Variants in LRIG3 observed in about 807,000 individuals in gnomAD.
The protein encoded by LRIG3 is leucine rich repeats and immunoglobulin like domains 3.
LRIG3 carries 76 observed loss-of-function variants against 114.5 expected under a neutral mutation model. The observed-to-expected ratio is 0.66, with a 90% CI of 0.55 to 0.80. The LOEUF is 0.80. Ranked by LOEUF, LRIG3 falls within the 30% of genes least tolerant of loss-of-function variation. The pLI, the probability that LRIG3 is intolerant of heterozygous loss-of-function variation, is 0.00. For synonymous variants in LRIG3, 512 were observed against 519.8 expected, an observed-to-expected ratio of 0.98 and a Z score of 0.20; for missense variants, 1,239 against 1,382.8, an observed-to-expected ratio of 0.90 and a Z score of 1.65.
intron 3 of LRIG3, among the ~76,000 whole-genome samples, chr12:58,903,103 G>A (rs1233483186): frequency 2.0e-5 from 3 of 152,138 alleles, no homozygotes; most frequent in African/African-American, 4.8e-5. Context: ...GGATGGCTGG[G>A]TCAAATGGTA....
chr12:58,919,575 G>T, intron 1 of LRIG3: 1 of 1,541,410 alleles, frequency 6.5e-7, no homozygotes, highest in Admixed American at 2.0e-5. Context: ...GGAGTCTGAC[G>T]CAGCTAGAAA....
intron 5 of LRIG3, among the ~76,000 whole-genome samples, 194 bp downstream of exon 5, chr12:58,889,802 G>A (rs2120913714): frequency 6.6e-6 from 1 of 152,140 alleles, no homozygotes; most frequent in East Asian, 1.9e-4. Context: ...TTGTCAAGCA[G>A]CAGCTGGCAC....
At chr12:58,897,819 A>T (rs988258621) in intron 3 of LRIG3, among the ~76,000 whole-genome samples, 1 of 152,246 alleles carries the variant, frequency 6.6e-6, no homozygotes, top group Non-Finnish European at 1.5e-5. Context: ...TAGTAAACTT[A>T]AAAATTTTTA....
chr12:58,919,888 G>A (rs1382805508), intron 1 of LRIG3, 112 bp downstream of exon 1: 27 of 1,086,368 alleles, frequency 2.5e-5, no homozygotes, highest in Non-Finnish European at 3.5e-5. Flanking sequence ...TGGGCCAGAA[G>A]GAGCTATACG....
In LRIG3 at chr12:58,888,958, A is replaced by C. The variant is rs199712889; in HGVS notation, c.664T>G (p.Leu222Val). 3 of 1,612,848 alleles carry C rather than the reference A, an allele frequency of 1.9e-6. No homozygotes were observed. The Admixed American group carries it at 5.0e-5, about 27-fold the overall frequency. The change falls in exon 6 of 19, where the codon TTG becomes GTG. Residue 222 changes from leucine to valine, a missense_variant. Leu to Val is a conservative substitution (Grantham distance 32). Transcript: ENST00000320743. Reference sequence around the variant, plus strand: ...ACATTTTTAATCTTGTTTCGGTTCAATTCGCTGCATTGAGTATTACAAGAG... The same window carrying C: ...ACATTTTTAATCTTGTTTCGGTTCACTTCGCTGCATTGAGTATTACAAGAG... ...FKLPQLQHLE[L>V]NRNKIKNVDG...
rs548421701 is a variant in LRIG3, at chr12:58,872,438, T to C, written c.*134A>G. The C allele has an allele frequency of 2.0e-6, 2 of 984,930 alleles. No homozygotes were observed. The highest frequency in any genetic ancestry group is 3.3e-5 in the African/African-American group (2 of 60,376). The allele number at this position is 984,930 out of a possible 1,614,324, so 61.0% of individuals were successfully genotyped here. ...TTTTCATAACTTTTTGTAATTTTGG[T>C]TCATCTGTATAAATAAAGCATTTTT... On this transcript the variant is annotated 3_prime_UTR_variant, in exon 19 of 19. Transcript: ENST00000320743.
intron 11 of LRIG3, among the ~76,000 whole-genome samples, 194 bp from the exon 12 acceptor site, chr12:58,883,226 C>T (rs912562233): frequency 5.3e-5 from 8 of 152,126 alleles, no homozygotes; most frequent in Non-Finnish European, 1.0e-4. Flanking sequence ...TCTTACTGTC[C>T]TACTGAGACA....
chr12:58,874,027 G>A (rs369420311), intron 18 of LRIG3, 28 bp downstream of exon 18: 94 of 1,611,934 alleles, frequency 5.8e-5, no homozygotes, highest in Non-Finnish European at 7.0e-5. Flanking sequence ...ATCCTCAGAC[G>A]AGGTACCTGA....
chr12:58,906,063 G>A (rs1409296793), intron 3 of LRIG3, among the ~76,000 whole-genome samples: 1 of 151,762 alleles, frequency 6.6e-6, no homozygotes, highest in Non-Finnish European at 1.5e-5. Context: ...AGATAAATTT[G>A]GCAGTAAAGA....
intron 12 of LRIG3, 137 bp from the exon 13 acceptor site, chr12:58,881,038 C>T (rs1565614851): frequency 5.4e-6 from 4 of 742,952 alleles, no homozygotes; most frequent in Non-Finnish European, 6.7e-6. Context: ...GATGGACTAG[C>T]CGTCCCCATG....
intron 12 of LRIG3, 146 bp from the exon 13 acceptor site, chr12:58,881,047 T>C: frequency 1.4e-6 from 1 of 692,470 alleles, no homozygotes; most frequent in South Asian, 1.9e-5. Context: ...GCCGTCCCCA[T>C]GTTGAAATGA....
In LRIG3 at chr12:58,877,527, G is replaced by A. The variant is rs377735776; in HGVS notation, c.2409C>T (p.Asp803=). ...PQMTAPSLDD[D]GWATVGVVII... is the part of the protein sequence containing the mutation. ...TCACGACACCCACAGTGGCCCATCC[G>A]TCATCGTCTAACGATGGGGCTGTCA... The change falls in exon 15 of 19, where the codon GAC becomes GAT. Residue 803 remains aspartate, a synonymous_variant. Transcript: ENST00000320743. The A allele has an allele frequency of 5.9e-5, 96 of 1,614,064 alleles. No individual in the cohort carries two copies. The highest frequency in any genetic ancestry group is 1.6e-4 in the East Asian group (7 of 44,886).
Position 58,880,910 on chromosome 12 carries a change from A to C in LRIG3, c.1481-9T>G. ...GGGTTTGGGAAAATCATCTGTTAAA[A>C]ATGGAGAGGAGGAGACAAAACAATG... On this transcript the variant is annotated splice_polypyrimidine_tract_variant and intron_variant, in intron 12 of 18. Transcript: ENST00000320743. 6.2e-7 allele frequency: 1 copy of C among 1,607,906 alleles called. No individual in the cohort carries two copies. The highest frequency in any genetic ancestry group is 2.2e-5 in the East Asian group (1 of 44,732).
intron 3 of LRIG3, among the ~76,000 whole-genome samples, chr12:58,908,153 A>T (rs147708021): frequency 2.0e-5 from 3 of 152,316 alleles, no homozygotes; most frequent in Non-Finnish European, 2.9e-5. Flanking sequence ...ATGGAACCAC[A>T]TCTCGCGGCA....
At position 58,876,558 on chromosome 12, in the gene LRIG3, T is replaced by G. The variant is rs1176832121; in HGVS notation, c.2582A>C (p.Gln861Pro). The G allele has an allele frequency of 1.9e-6, 3 of 1,614,092 alleles. No individual in the cohort carries two copies. The highest frequency in any genetic ancestry group is 2.5e-6 in the Non-Finnish European group (3 of 1,180,036). The change falls in exon 16 of 19, where the codon CAG (glutamine) becomes CCG (proline). Residue 861 changes from glutamine (Q) to proline (P), a missense_variant. By Grantham distance (76) the Gln-to-Pro change is moderately conservative. Coordinates refer to ENST00000320743, the MANE Select transcript of LRIG3 (RefSeq NM_153377.5). Reference protein sequence around the residue: ...PADIPSYLSSQGTLADRQDGY... With the variant: ...PADIPSYLSSPGTLADRQDGY... ...ATCCTGCCTGTCAGCTAACGTTCCC[T>G]GAGATGACAAATAACTAGGAATATC...
In LRIG3 at chr12:58,876,551, C is replaced by T. The variant is rs2279718; in HGVS notation, c.2589G>A (p.Thr863=). 0.039 allele frequency: 62,885 copies of T among 1,614,072 alleles called. 1,328 individuals are homozygous for T. Among genetic ancestry groups the T allele is most frequent in the East Asian group, 0.047 (2,131 of 44,878 alleles). The stretch of plus-strand genomic sequence containing the variant: ...CGTACCCATCCTGCCTGTCAGCTAA[C>T]GTTCCCTGAGATGACAAATAACTAG... ...DIPSYLSSQG[T]LADRQDGYVS... The change falls in exon 16 of 19, where the codon ACG becomes ACA. Residue 863 remains threonine (T), a synonymous_variant. Transcript: ENST00000320743.
chr12:58,885,259 A>C lies in LRIG3; in HGVS notation c.1244+572T>G, dbSNP rs1393928204. On this transcript the variant is annotated intron_variant, in intron 10 of 18. Transcript: ENST00000320743. The stretch of plus-strand genomic sequence containing the variant: ...GTAAGGGGGGGTTGTATGTTTCATA[A>C]TTAAACAACAATAAGAGACCAACAA... Among the ~76,000 whole-genome samples the C allele has an allele frequency of 3.3e-5, 5 of 152,296 alleles. 1 individual carries two copies. Among genetic ancestry groups the C allele is most frequent in the African/African-American group, 1.2e-4 (5 of 41,574 alleles).
intron 10 of LRIG3, 109 bp from the exon 11 acceptor site, chr12:58,883,700 T>A: frequency 6.4e-6 from 4 of 620,874 alleles, no homozygotes; most frequent in South Asian, 3.4e-5. Context: ...AAATACTCCC[T>A]CTATGTGTCA....
chr12:58,874,466 C>T lies in LRIG3; in HGVS notation c.2803G>A (p.Val935Met). The change falls in exon 17 of 19, where the codon GTG becomes ATG. Residue 935 changes from valine (V) to methionine (M), a missense_variant. Val to Met is a conservative substitution (Grantham distance 21). Coordinates refer to ENST00000320743, the MANE Select transcript of LRIG3 (RefSeq NM_153377.5). Reference protein sequence around the residue: ...STGPMYLKGNVYGSDPFETYH... With the variant: ...STGPMYLKGNMYGSDPFETYH... ...GTTTCAAAAGGATCTGAGCCATACA[C>T]ATTTCCCTTCAAATACATAGGGCCT... 1 of 1,614,220 alleles carries T rather than the reference C, an allele frequency of 6.2e-7. No individual in the cohort carries two copies. Among genetic ancestry groups the T allele is most frequent in the Non-Finnish European group, 8.5e-7 (1 of 1,180,040 alleles).
Sources: gnomAD v4.1 joint callset for allele counts (sites outside exome capture counted in the v4.1 genomes callset) on GRCh38, gnomAD v4.1.1 for gene constraint, MANE v1.5 for transcripts, NCBI Gene and HGNC (gene_info 2026-07-23, HGNC 2026-07-21) for gene names.